The following RAB28 variants were observed in gnomAD, a reference collection of about 807,000 sequenced individuals.
RAB28 encodes the protein ras-related protein Rab-28.
In RAB28, 24 loss-of-function variants were observed where a neutral mutation model predicts 31.7. The observed-to-expected ratio is 0.76, with a 90% CI of 0.55 to 1.06. The LOEUF (loss-of-function observed/expected upper bound fraction) is 1.06, where lower values mean the gene tolerates loss of function less well. RAB28 is among the 50% of genes least tolerant of loss of function. The pLI, the probability that RAB28 is intolerant of heterozygous loss-of-function variation, is 0.00. For missense variants in RAB28, 254 were observed against 258.5 expected, an observed-to-expected ratio of 0.98 and a Z score of 0.12; for synonymous variants, 100 against 90.4, an observed-to-expected ratio of 1.11 and a Z score of -0.60.
At chr4:13,436,088 A>T (rs901172063) in intron 4 of RAB28, among the ~76,000 whole-genome samples, 1 of 152,240 alleles carries the variant, frequency 6.6e-6, no homozygotes, top group African/African-American at 2.4e-5. Flanking sequence ...CCACATAAAA[A>T]GAAATAAAAA....
At chr4:13,400,983 T>C (rs997418784) in intron 4 of RAB28, among the ~76,000 whole-genome samples, 1 of 152,206 alleles carries the variant, frequency 6.6e-6, no homozygotes, top group African/African-American at 2.4e-5. Flanking sequence ...GTCAAAGGAA[T>C]CTTTTGTATT....
chr4:13,419,641 CTGAA>C, intron 4 of RAB28, among the ~76,000 whole-genome samples: 1 of 152,260 alleles, frequency 6.6e-6, no homozygotes, highest in Middle Eastern at 3.4e-3. Flanking sequence ...CAACCTGCTC[CTGAA>C]TGACTACTGG....
chr4:13,463,009 C>T (rs11946569), intron 3 of RAB28, among the ~76,000 whole-genome samples: 8,522 of 152,162 alleles, frequency 0.056, 543 homozygotes, highest in African/African-American at 0.16. Flanking sequence ...GGGCAACATT[C>T]GTTACCTCAC....
chr4:13,430,456 C>T (rs2108930467), intron 4 of RAB28, among the ~76,000 whole-genome samples: 1 of 152,202 alleles, frequency 6.6e-6, no homozygotes, highest in East Asian at 1.9e-4. Context: ...ACTCCCCTCA[C>T]CTCTGTGACA....
At chr4:13,436,240 A>C (rs1714098998) in intron 4 of RAB28, among the ~76,000 whole-genome samples, 4 of 152,200 alleles carry the variant, frequency 2.6e-5, no homozygotes, top group Admixed American at 2.6e-4. Context: ...ACAAACCCAC[A>C]GCCAACATCA....
intron 4 of RAB28, among the ~76,000 whole-genome samples, chr4:13,422,921 A>T (rs540460346): frequency 1.3e-5 from 2 of 152,156 alleles, no homozygotes; most frequent in South Asian, 4.2e-4. Context: ...AAAAAAAAAT[A>T]AAATGCCTAT....
At chr4:13,386,326 T>G (rs1729366567) in intron 4 of RAB28, among the ~76,000 whole-genome samples, 1 of 151,882 alleles carries the variant, frequency 6.6e-6, no homozygotes, top group South Asian at 2.1e-4. Context: ...ACAGACAACC[T>G]ACAGAATGGG....
intron 3 of RAB28, among the ~76,000 whole-genome samples, chr4:13,467,575 CA>C (rs919480044): frequency 5.3e-5 from 8 of 151,890 alleles, no homozygotes; most frequent in African/African-American, 1.9e-4. Flanking sequence ...TGAAGCAATA[CA>C]GTGTCATTTA....
At chr4:13,461,204 A>C (rs934995397) in intron 3 of RAB28, among the ~76,000 whole-genome samples, 1 of 152,224 alleles carries the variant, frequency 6.6e-6, no homozygotes, top group African/African-American at 2.4e-5. Context: ...CAAGCATTTA[A>C]ACCTTTCAAT....
At chr4:13,408,729 T>C (rs1266776081) in intron 4 of RAB28, among the ~76,000 whole-genome samples, 1 of 152,168 alleles carries the variant, frequency 6.6e-6, no homozygotes, top group Non-Finnish European at 1.5e-5. Context: ...TTTTTTTTCT[T>C]CATAAGTTCC....
In RAB28 at chr4:13,368,078, T is replaced by A. The variant is rs1728575948; in HGVS notation, c.*480A>T. 1 of 978,220 alleles carries A rather than the reference T, an allele frequency of 1.0e-6. No individual in the cohort carries two copies. Among genetic ancestry groups the A allele is most frequent in the African/African-American group, 1.8e-5 (1 of 57,050 alleles). 60.6% of individuals were successfully genotyped at this position (978,220 alleles called of 1,614,324 possible). A position where few individuals can be genotyped will look rare whatever the true frequency, so the allele number is the denominator to read the frequency against. On this transcript the variant is annotated 3_prime_UTR_variant, in exon 7 of 7. Coordinates refer to ENST00000330852, the MANE Select transcript of RAB28 (RefSeq NM_001017979.3). ...CAGCTTTATATACTTTTACTCACGATAGCGAAAGAATGTCTTCATAAGTAT... is the reference window on the plus strand; with the variant it reads ...CAGCTTTATATACTTTTACTCACGAAAGCGAAAGAATGTCTTCATAAGTAT...
At chr4:13,409,785 T>A (rs1466666072) in intron 4 of RAB28, among the ~76,000 whole-genome samples, 1 of 152,178 alleles carries the variant, frequency 6.6e-6, no homozygotes, top group Admixed American at 6.5e-5. Flanking sequence ...ATGAAGAAAT[T>A]TTGGAAACAT....
At chr4:13,386,572 T>C (rs958275965) in intron 4 of RAB28, among the ~76,000 whole-genome samples, 8 of 151,870 alleles carry the variant, frequency 5.3e-5, no homozygotes, top group Non-Finnish European at 1.0e-4. Flanking sequence ...CACACACTAG[T>C]CAGAATGGAA....
intron 6 of RAB28, 29 bp downstream of exon 6, chr4:13,376,516 T>G (rs1281188691): frequency 6.6e-7 from 1 of 1,513,378 alleles, no homozygotes; most frequent in African/African-American, 1.4e-5. Flanking sequence ...ATTCATTAAT[T>G]TTTTAAATAT....
At chr4:13,479,406 C>A (rs531189723) in intron 2 of RAB28, 24 bp downstream of exon 2, 12 of 1,509,464 alleles carry the variant, frequency 7.9e-6, no homozygotes, top group Middle Eastern at 1.7e-4. Context: ...TAATCTTCTA[C>A]GTTAAGACTT....
intron 3 of RAB28, among the ~76,000 whole-genome samples, chr4:13,465,956 G>A (rs1232166009): frequency 6.6e-6 from 1 of 151,800 alleles, no homozygotes; most frequent in Non-Finnish European, 1.5e-5. Context: ...AACAGAGCCA[G>A]AAATACACAA....
At chr4:13,463,235 T>C (rs1715688842) in intron 3 of RAB28, among the ~76,000 whole-genome samples, 1 of 152,136 alleles carries the variant, frequency 6.6e-6, no homozygotes, top group Non-Finnish European at 1.5e-5. Flanking sequence ...GATTAATATA[T>C]GAAAACCTTT....
chr4:13,456,097 T>G (rs1223619762), intron 4 of RAB28, among the ~76,000 whole-genome samples: 2 of 152,204 alleles, frequency 1.3e-5, no homozygotes, highest in Non-Finnish European at 2.9e-5. Context: ...AAGACTCTCT[T>G]TGTCTCAACC....
intron 4 of RAB28, among the ~76,000 whole-genome samples, chr4:13,396,429 T>C (rs1729875905): frequency 6.6e-6 from 1 of 152,022 alleles, no homozygotes. Flanking sequence ...GTGTTTAATT[T>C]TACCCTGCCA....
Sources: allele counts gnomAD v4.1 joint callset (sites outside exome capture counted in the v4.1 genomes callset), GRCh38; gene constraint gnomAD v4.1.1; transcripts MANE v1.5; gene names NCBI Gene and HGNC (gene_info 2026-07-23, HGNC 2026-07-21).